TRPM2: variants seen among roughly 807,000 people sequenced by gnomAD.
The protein encoded by TRPM2 is estrogen-responsive element-associated gene 1 protein.
A neutral mutation model predicts 174.0 loss-of-function variants in TRPM2; 161 were observed. The ratio of observed to expected loss-of-function variants is 0.93; its 90% CI spans 0.81 to 1.05. The LOEUF is 1.05. Among genes scored for constraint, TRPM2 ranks in the 50% least tolerant of loss-of-function variants. TRPM2 has a pLI of 0.00. For synonymous variants in TRPM2, 954 were observed against 861.3 expected (o/e 1.11, Z -1.88); for missense variants, 2,057 against 2,038.0 (o/e 1.01, Z -0.18).
At position 44,364,819 on chromosome 21, in the gene TRPM2, T is replaced by C. The variant is rs138331463; in HGVS notation, c.423+537T>C. On this transcript the variant is annotated intron_variant, in intron 3 of 31. Transcript: ENST00000397928. ...CTGAGCCTGGCCTGCAGGAGAGCGCTGTGAGGGTGCAGACTGCTGGAGGGA... is the reference window on the plus strand; with the variant it reads ...CTGAGCCTGGCCTGCAGGAGAGCGCCGTGAGGGTGCAGACTGCTGGAGGGA... 3.8e-3 allele frequency among the ~76,000 whole-genome samples: 579 copies of C among 152,270 alleles called. 3 individuals are homozygous for C. Among genetic ancestry groups the C allele is most frequent in the African/African-American group, 0.013 (558 of 41,548 alleles).
chr21:44,375,738 G>A (rs1472652254), intron 5 of TRPM2, 95 bp from the exon 6 acceptor site: 1 of 1,392,034 alleles, frequency 7.2e-7, no homozygotes, highest in Non-Finnish European at 9.6e-7. Context: ...CCAGGGACTG[G>A]GACCTGGTCT....
chr21:44,437,259 C>T, intron 29 of TRPM2, 92 bp downstream of exon 29: 1 of 1,076,210 alleles, frequency 9.3e-7, no homozygotes, highest in Non-Finnish European at 1.3e-6. Flanking sequence ...GGACACCAGC[C>T]CCCTGCAGCC....
intron 7 of TRPM2, among the ~76,000 whole-genome samples, 157 bp downstream of exon 7, chr21:44,377,930 G>A (rs1195545390): frequency 1.3e-5 from 2 of 152,266 alleles, no homozygotes; most frequent in African/African-American, 4.8e-5. Flanking sequence ...CTGTGTCGGG[G>A]CTGCTTCTGG....
chr21:44,393,936 A>G (rs9975369), intron 11 of TRPM2, among the ~76,000 whole-genome samples: 3,072 of 152,146 alleles, frequency 0.02, 122 homozygotes, highest in African/African-American at 0.069. Flanking sequence ...GCAATGGTAT[A>G]ATCTCTGCTT....
intron 8 of TRPM2, among the ~76,000 whole-genome samples, chr21:44,380,639 A>G (rs1013674603): frequency 1.3e-5 from 2 of 152,186 alleles, no homozygotes; most frequent in Admixed American, 6.5e-5. Context: ...AGCCAGGGTC[A>G]GTGCGCTCCT....
intron 8 of TRPM2, among the ~76,000 whole-genome samples, chr21:44,379,764 G>C (rs575832204): frequency 6.6e-6 from 1 of 152,202 alleles, no homozygotes; most frequent in South Asian, 2.1e-4. Flanking sequence ...CCTTGACCAG[G>C]GGGGTGGGCT....
intron 31 of TRPM2, among the ~76,000 whole-genome samples, chr21:44,441,200 G>C (rs45627739): frequency 1.3e-5 from 2 of 152,028 alleles, no homozygotes; most frequent in East Asian, 3.9e-4. Flanking sequence ...GGGAGAGGCC[G>C]GGGAGCCACC....
rs992914723 is a variant in TRPM2, at chr21:44,440,857, C to T, written c.4338C>T (p.Ser1446=). ...DNAWIETVAV[S]VHFQDQNDVE... The stretch of plus-strand genomic sequence containing the variant: ...CCTGGATCGAGACGGTGGCCGTCAG[C>T]GTCCACTTCCAGGACCAGAATGACG... The change falls in exon 31 of 32, where the codon AGC becomes AGT. Residue 1446 remains serine (S), a synonymous_variant. Transcript: ENST00000397928. 5 of 1,613,810 alleles carry T rather than the reference C, an allele frequency of 3.1e-6. No individual in the cohort carries two copies. The highest frequency in any genetic ancestry group is 1.7e-5 in the Admixed American group (1 of 60,010).
At position 44,406,556 on chromosome 21, in the gene TRPM2, G is replaced by A. The variant is rs376623370; in HGVS notation, c.2791-38G>A. On this transcript the variant is annotated intron_variant, in intron 18 of 31. Transcript: ENST00000397928. ...CCTCTGGGCCCAGTGAGCATCGGGG[G>A]CCAGGAGAGTGTAGCCCACACACTC... 6.0e-5 allele frequency: 95 copies of A among 1,582,970 alleles called. No homozygotes were observed. In the African/African-American group the frequency reaches 9.9e-4, roughly 17 times the overall value.
At position 44,366,948 on chromosome 21, in the gene TRPM2, TG is replaced by T. The variant is rs751287493; in HGVS notation, c.604+16del. Reference sequence around the variant, plus strand: ...CTCAGACCACAGGTAACTCGGAGGCTGGAGGGACACGAGGCCCCGGCGGGTG... The same window carrying T: ...CTCAGACCACAGGTAACTCGGAGGCTGAGGGACACGAGGCCCCGGCGGGTG... On this transcript the variant is annotated intron_variant, in intron 4 of 31. Transcript: ENST00000397928. This position sits in a 1 kb window ranked among gnomAD's most constrained non-coding sequence, Gnocchi z 6.0. 6.4e-7 allele frequency: 1 copy of T among 1,563,114 alleles called. No homozygotes were observed. Among genetic ancestry groups the T allele is most frequent in the Non-Finnish European group, 8.7e-7 (1 of 1,150,584 alleles).
chr21:44,352,784 G>A (rs566707261), upstream of TRPM2, among the ~76,000 whole-genome samples: 1 of 152,214 alleles, frequency 6.6e-6, no homozygotes, highest in African/African-American at 2.4e-5. Context: ...AGAGCCAGGG[G>A]GAAAGGATAT....
chr21:44,426,932 G>A (rs775310437), intron 26 of TRPM2, 78 bp from the exon 27 acceptor site: 86 of 1,456,778 alleles, frequency 5.9e-5, no homozygotes, highest in Non-Finnish European at 7.4e-5. Flanking sequence ...CCCTTGGTGG[G>A]GGGGTGATCC....
chr21:44,391,579 A>ACGAC lies in TRPM2; in HGVS notation c.1751_1754dup (p.Leu586ProfsTer40), dbSNP rs1246595548. On this transcript the variant is annotated frameshift_variant, in exon 11 of 32. Coordinates refer to ENST00000397928, the MANE Select transcript of TRPM2 (RefSeq NM_003307.4). LOFTEE classifies it high-confidence loss of function. This position sits in a 1 kb window ranked among gnomAD's most constrained non-coding sequence, Gnocchi z 5.0. ...CCGCTTTATCCCCGGCCCCGGCACA[A>ACGAC]CGACCGGCTGCGGCTCCTGCTGCCC... 1 of 1,591,136 alleles carries ACGAC rather than the reference A, an allele frequency of 6.3e-7. No homozygotes were observed. Among genetic ancestry groups the ACGAC allele is most frequent in the Non-Finnish European group, 8.5e-7 (1 of 1,174,788 alleles).
At chr21:44,357,929 C>G (rs1446424721) in intron 2 of TRPM2, among the ~76,000 whole-genome samples, 1 of 152,216 alleles carries the variant, frequency 6.6e-6, no homozygotes. Context: ...CAGGTGTGTT[C>G]CTGGCTGTTC....
Position 44,364,213 on chromosome 21 carries a change from T to C in TRPM2, c.354T>C (p.His118=). 1 of 1,614,172 alleles carries C rather than the reference T, an allele frequency of 6.2e-7. No homozygotes were observed. Among genetic ancestry groups the C allele is most frequent in the Non-Finnish European group, 8.5e-7 (1 of 1,180,026 alleles). ...GCACACAGTGGGACCCAAAGAAACATGTCCAGGAGATGCCAACCGATGCCT... is the reference window on the plus strand; with the variant it reads ...GCACACAGTGGGACCCAAAGAAACACGTCCAGGAGATGCCAACCGATGCCT... ...FQGTQWDPKK[H]VQEMPTDAFG... Residue 118 remains histidine, a synonymous_variant, in exon 3 of 32, where the codon CAT becomes CAC. Transcript: ENST00000397928.
chr21:44,380,457 AT>A, intron 8 of TRPM2, among the ~76,000 whole-genome samples: 1 of 152,216 alleles, frequency 6.6e-6, no homozygotes, highest in South Asian at 2.1e-4. Flanking sequence ...TATTCAGGCA[AT>A]TCTCAGAACT....
chr21:44,365,526 G>A (rs1404006082), intron 3 of TRPM2, among the ~76,000 whole-genome samples: 3 of 152,204 alleles, frequency 2.0e-5, no homozygotes, highest in Non-Finnish European at 4.4e-5. Context: ...TGGTCACGGG[G>A]ACAGTCCTGT....
intron 8 of TRPM2, among the ~76,000 whole-genome samples, chr21:44,380,497 C>A (rs757118665): frequency 2.6e-5 from 4 of 152,170 alleles, no homozygotes; most frequent in Non-Finnish European, 1.5e-5. Flanking sequence ...TTGAAAGGTG[C>A]CTATTTTTAA....
At chr21:44,386,450 T>C (rs1356277348) in intron 9 of TRPM2, among the ~76,000 whole-genome samples, 2 of 151,698 alleles carry the variant, frequency 1.3e-5, no homozygotes, top group Non-Finnish European at 2.9e-5. Context: ...ACACTAAAAA[T>C]GAATAATCAG....
Sources: gnomAD v4.1 joint callset for allele counts (sites outside exome capture counted in the v4.1 genomes callset) on GRCh38, gnomAD v4.1.1 for gene constraint, Gnocchi (gnomAD v3.1) non-coding constraint, MANE v1.5 for transcripts, NCBI Gene and HGNC (gene_info 2026-07-23, HGNC 2026-07-21) for gene names.